Variants in SND1 observed in about 807,000 individuals in gnomAD.
SND1 encodes the protein staphylococcal nuclease and tudor domain containing 1, also known as staphylococcal nuclease domain-containing protein 1.
A neutral mutation model predicts 121.7 loss-of-function variants in SND1; 38 were observed. That is an observed-to-expected ratio of 0.31 (90% CI 0.24 to 0.41). The LOEUF is 0.41. SND1 is among the 10% of genes least tolerant of loss of function. The pLI, the probability that SND1 is intolerant of heterozygous loss-of-function variation, is 1.00. For missense variants in SND1, 868 were observed against 1,184.6 expected, an observed-to-expected ratio of 0.73 and a Z score of 3.92; for synonymous variants, 401 against 447.4, an observed-to-expected ratio of 0.90 and a Z score of 1.31.
chr7:127,912,881 T>C (rs1445011536), intron 14 of SND1, among the ~76,000 whole-genome samples: 5 of 152,022 alleles, frequency 3.3e-5, no homozygotes, highest in Admixed American at 3.3e-4. Context: ...GTGAAAGTTC[T>C]AAAAAAAAGA....
intron 1 of SND1, 22 bp downstream of exon 1, chr7:127,652,473 C>T: frequency 6.5e-7 from 1 of 1,547,924 alleles, no homozygotes; most frequent in East Asian, 2.4e-5. Context: ...CCCCGGACAC[C>T]GACCCCTCTG....
At chr7:127,713,663 C>T (rs1187180167) in intron 9 of SND1, among the ~76,000 whole-genome samples, 2 of 152,214 alleles carry the variant, frequency 1.3e-5, no homozygotes, top group Non-Finnish European at 2.9e-5. Context: ...TGGGGCTCTA[C>T]AGTTGATTTC....
intron 12 of SND1, among the ~76,000 whole-genome samples, chr7:127,872,247 G>A (rs1032113436): frequency 6.6e-6 from 1 of 152,174 alleles, no homozygotes; most frequent in Non-Finnish European, 1.5e-5. Context: ...TTTACATGAG[G>A]TGAAGCAGCT....
chr7:127,804,641 C>T (rs1798198490), intron 10 of SND1, among the ~76,000 whole-genome samples: 1 of 151,894 alleles, frequency 6.6e-6, no homozygotes, highest in East Asian at 1.9e-4. Context: ...TGTAGCGGTG[C>T]ATGCTTATAG....
intron 11 of SND1, among the ~76,000 whole-genome samples, chr7:127,828,078 A>C (rs1224155304): frequency 6.6e-6 from 1 of 151,772 alleles, no homozygotes; most frequent in South Asian, 2.1e-4. Flanking sequence ...CTCACTGAAG[A>C]CTCTGCCTCA....
intron 1 of SND1, among the ~76,000 whole-genome samples, chr7:127,660,348 C>T (rs76640764): frequency 0.02 from 3,024 of 152,256 alleles, 111 homozygotes; most frequent in African/African-American, 0.07. Context: ...GCCTCTGGCT[C>T]ATAGGGAGAG....
chr7:128,065,815 G>A (rs188306254), intron 16 of SND1, among the ~76,000 whole-genome samples: 46 of 152,298 alleles, frequency 3.0e-4, no homozygotes, highest in African/African-American at 9.6e-4. Context: ...TGCCCTTCAC[G>A]TCAACTGGGA....
At chr7:127,730,711 C>T (rs1796659901) in intron 10 of SND1, among the ~76,000 whole-genome samples, 1 of 152,150 alleles carries the variant, frequency 6.6e-6, no homozygotes, top group Admixed American at 6.5e-5. Flanking sequence ...GTAGATTTGT[C>T]ATTTCTTCAG....
At chr7:127,857,657 C>T (rs967818116) in intron 12 of SND1, among the ~76,000 whole-genome samples, 1 of 152,074 alleles carries the variant, frequency 6.6e-6, no homozygotes, top group Admixed American at 6.5e-5. Flanking sequence ...AAGGCGAGTC[C>T]AAAGGGGCTG....
intron 15 of SND1, among the ~76,000 whole-genome samples, chr7:127,942,192 TG>T (rs1455197335): frequency 2.0e-5 from 3 of 152,170 alleles, no homozygotes; most frequent in Non-Finnish European, 4.4e-5. Context: ...ATTTAACACC[TG>T]TTAATTACTT....
chr7:127,887,769 G>A (rs1259950704), intron 12 of SND1, 133 bp from the exon 13 acceptor site: 7 of 571,174 alleles, frequency 1.2e-5, no homozygotes, highest in African/African-American at 1.9e-5. Context: ...GCAACTCATA[G>A]GTCTTGAAAC....
chr7:127,756,133 G>A (rs1797190681), intron 10 of SND1, among the ~76,000 whole-genome samples: 1 of 152,214 alleles, frequency 6.6e-6, no homozygotes, highest in Non-Finnish European at 1.5e-5. Flanking sequence ...ACTTTTGGTT[G>A]TTATAAACCA....
intron 1 of SND1, among the ~76,000 whole-genome samples, chr7:127,669,588 G>A (rs1260873819): frequency 3.9e-5 from 6 of 152,104 alleles, no homozygotes; most frequent in Non-Finnish European, 5.9e-5. Context: ...TATTGTCCAC[G>A]AGTCTTATAT....
intron 1 of SND1, among the ~76,000 whole-genome samples, chr7:127,656,566 C>T (rs193234384): frequency 1.4e-4 from 22 of 152,198 alleles, no homozygotes; most frequent in Admixed American, 1.4e-3. Flanking sequence ...CTGCCCACCT[C>T]GGCCTCCCAA....
intron 16 of SND1, among the ~76,000 whole-genome samples, chr7:128,071,754 G>A (rs1235885563): frequency 2.6e-5 from 4 of 152,172 alleles, no homozygotes; most frequent in African/African-American, 4.8e-5. Context: ...CACCTTCCCC[G>A]AGTGCCTTTG....
intron 10 of SND1, among the ~76,000 whole-genome samples, chr7:127,722,978 G>A (rs1796522318): frequency 6.6e-6 from 1 of 152,084 alleles, no homozygotes; most frequent in African/African-American, 2.4e-5. Flanking sequence ...ATCAGTATTG[G>A]GAGTAGTCCA....
intron 14 of SND1, among the ~76,000 whole-genome samples, chr7:127,926,233 A>C (rs1800829963): frequency 6.6e-6 from 1 of 152,184 alleles, no homozygotes; most frequent in South Asian, 2.1e-4. Context: ...AAGCAAAAAA[A>C]TGCTTGAGAT....
intron 16 of SND1, among the ~76,000 whole-genome samples, chr7:128,000,698 G>T (rs1802806265): frequency 6.6e-6 from 1 of 152,146 alleles, no homozygotes; most frequent in African/African-American, 2.4e-5. Context: ...TGTTTGGAGT[G>T]TCTTCAGGCT....
Position 128,029,101 on chromosome 7 carries a change from T to C in SND1, c.1779+38045T>C. 1 of 1,614,170 alleles carries C rather than the reference T, an allele frequency of 6.2e-7. No individual in the cohort carries two copies. Among genetic ancestry groups the C allele is most frequent in the Non-Finnish European group, 8.5e-7 (1 of 1,180,026 alleles). On this transcript the variant is annotated intron_variant, in intron 16 of 23. Transcript: ENST00000354725. The surrounding 1 kb of genome is among the most constrained non-coding windows in gnomAD (Gnocchi z 4.2). ...ACTTCATCCAGGCTGGTCTGCATCTTGTCAGTGGTGTCTGTCGCGGGTACT... is the reference window on the plus strand; with the variant it reads ...ACTTCATCCAGGCTGGTCTGCATCTCGTCAGTGGTGTCTGTCGCGGGTACT...
Sources: gnomAD v4.1 joint callset for allele counts (sites outside exome capture counted in the v4.1 genomes callset) on GRCh38, gnomAD v4.1.1 for gene constraint, Gnocchi (gnomAD v3.1) non-coding constraint, MANE v1.5 for transcripts, NCBI Gene and HGNC (gene_info 2026-07-23, HGNC 2026-07-21) for gene names.